The following DLGAP2 variants were observed in gnomAD, a reference collection of about 807,000 sequenced individuals.
The protein encoded by DLGAP2 is disks large-associated protein 2.
DLGAP2 carries 26 observed loss-of-function variants against 100.3 expected under a neutral mutation model. That is an observed-to-expected ratio of 0.26 (90% CI 0.19 to 0.36). The LOEUF (loss-of-function observed/expected upper bound fraction) is 0.36, where lower values mean the gene tolerates loss of function less well. Ranked by LOEUF, DLGAP2 falls within the 10% of genes least tolerant of loss-of-function variation. The pLI, the probability that DLGAP2 is intolerant of heterozygous loss-of-function variation, is 1.00. For synonymous variants in DLGAP2, 886 were observed against 630.1 expected (o/e 1.41, Z -6.08); for missense variants, 1,858 against 1,453.2 (o/e 1.28, Z -4.53).
intron 1 of DLGAP2, among the ~76,000 whole-genome samples, chr8:780,558 C>T (rs536197361): frequency 6.6e-6 from 1 of 152,208 alleles, no homozygotes; most frequent in Non-Finnish European, 1.5e-5. Flanking sequence ...CAGTTTTCCA[C>T]AGCATTTCAC....
chr8:850,557 G>A (rs1295158175), intron 1 of DLGAP2, among the ~76,000 whole-genome samples: 1 of 152,150 alleles, frequency 6.6e-6, no homozygotes, highest in Non-Finnish European at 1.5e-5. Flanking sequence ...CTATGTTTAT[G>A]TATATTTGTG....
chr8:1,419,000 CGAAGG>C (rs1797016000), intron 3 of DLGAP2, among the ~76,000 whole-genome samples: 1 of 152,250 alleles, frequency 6.6e-6, no homozygotes, highest in African/African-American at 2.4e-5. Context: ...CACAGCCGAA[CGAAGG>C]GGCACATGGG....
intron 2 of DLGAP2, among the ~76,000 whole-genome samples, chr8:1,055,137 A>G (rs1300848286): frequency 6.6e-6 from 1 of 152,350 alleles, no homozygotes; most frequent in Admixed American, 6.5e-5. Flanking sequence ...TTTTGTAAAG[A>G]TGGATGCTAT....
chr8:1,626,169 C>T lies in DLGAP2; in HGVS notation c.1443-571C>T, dbSNP rs1417414113. On this transcript the variant is annotated intron_variant, in intron 6 of 14. Transcript: ENST00000637795. Reference sequence around the variant, plus strand: ...CAGCCTCTGGGTGTGGGTTGGACGGCTGTTCCCATCTCTACCCTGTGGCGG... The same window carrying T: ...CAGCCTCTGGGTGTGGGTTGGACGGTTGTTCCCATCTCTACCCTGTGGCGG... 5.5e-3 allele frequency among the ~76,000 whole-genome samples: 536 copies of T among 96,806 alleles called. 8 individuals carry two copies. The highest frequency in any genetic ancestry group is 0.025 in the African/African-American group (480 of 19,042). The allele number at this position is 96,806 out of a possible 152,430, so 63.5% of individuals were successfully genotyped here.
At chr8:769,613 G>C (rs1286813397) in intron 1 of DLGAP2, among the ~76,000 whole-genome samples, 1 of 152,148 alleles carries the variant, frequency 6.6e-6, no homozygotes, top group East Asian at 1.9e-4. Context: ...ATGAGTTACA[G>C]ACATCTGTGG....
chr8:1,088,797 A>AGG (rs1804066006), intron 2 of DLGAP2, among the ~76,000 whole-genome samples: 4 of 9,604 alleles, frequency 4.2e-4, no homozygotes, highest in Middle Eastern at 0.045. Flanking sequence ...CACTCCCCCC[A>AGG]CCCCACTCTC....
chr8:1,576,435 A>G (rs1295562759), intron 6 of DLGAP2, among the ~76,000 whole-genome samples: 2 of 152,102 alleles, frequency 1.3e-5, no homozygotes. Flanking sequence ...TCGCTCTGAT[A>G]GTAGTTTCTT....
At position 1,414,151 on chromosome 8, in the gene DLGAP2, G is replaced by A. The variant is rs1563131837; in HGVS notation, c.107-87215G>A. Among the ~76,000 whole-genome samples, 4 of 152,248 alleles carry A rather than the reference G, an allele frequency of 2.6e-5. No homozygotes were observed. In the East Asian group the frequency reaches 5.8e-4, roughly 22 times the overall value. Reference sequence around the variant, plus strand: ...TTGAGAAAGTGAAGTGTTCAGGGTTGGGGGGAGTTGTCTGTTGAGAGAAAC... The same window carrying A: ...TTGAGAAAGTGAAGTGTTCAGGGTTAGGGGGAGTTGTCTGTTGAGAGAAAC... On this transcript the variant is annotated intron_variant, in intron 3 of 14. Coordinates refer to ENST00000637795, the MANE Select transcript of DLGAP2 (RefSeq NM_001346810.2).
At chr8:931,453 A>C (rs575930888) in intron 2 of DLGAP2, among the ~76,000 whole-genome samples, 50 of 152,150 alleles carry the variant, frequency 3.3e-4, no homozygotes, top group Non-Finnish European at 6.0e-4. Flanking sequence ...TCCTTCTTAA[A>C]TTCCCTGGCT....
intron 1 of DLGAP2, among the ~76,000 whole-genome samples, chr8:862,355 T>C (rs941394007): frequency 6.7e-6 from 1 of 149,608 alleles, no homozygotes; most frequent in Non-Finnish European, 1.5e-5. Context: ...CAGGCTGGAG[T>C]GCAGTGGCAT....
chr8:1,541,340 T>C (rs1338676254), intron 4 of DLGAP2, among the ~76,000 whole-genome samples: 1 of 152,202 alleles, frequency 6.6e-6, no homozygotes, highest in African/African-American at 2.4e-5. Context: ...AAATGGCCGT[T>C]GGAGACACAA....
At chr8:750,822 G>A (rs1050018698) in intron 1 of DLGAP2, among the ~76,000 whole-genome samples, 2 of 152,190 alleles carry the variant, frequency 1.3e-5, no homozygotes, top group African/African-American at 4.8e-5. Context: ...AAGGCCTAAT[G>A]GGATAGCATT....
At chr8:909,675 C>G (rs1253233806) in intron 2 of DLGAP2, among the ~76,000 whole-genome samples, 1 of 152,160 alleles carries the variant, frequency 6.6e-6, no homozygotes, top group African/African-American at 2.4e-5. Flanking sequence ...GTTTCACTGT[C>G]ATGTCAGCTG....
At chr8:1,106,696 G>T (rs551345952) in intron 2 of DLGAP2, among the ~76,000 whole-genome samples, 1 of 139,862 alleles carries the variant, frequency 7.1e-6, no homozygotes, top group South Asian at 2.4e-4. Flanking sequence ...TACTGAAGGA[G>T]GCCATTCTAG....
intron 7 of DLGAP2, among the ~76,000 whole-genome samples, chr8:1,628,368 G>A (rs1311842496): frequency 1.4e-5 from 2 of 144,068 alleles, no homozygotes; most frequent in African/African-American, 5.5e-5. Flanking sequence ...AAGAGCTTGA[G>A]CCAACCTCAC....
intron 4 of DLGAP2, among the ~76,000 whole-genome samples, chr8:1,504,723 C>G (rs1450598935): frequency 6.6e-6 from 1 of 152,196 alleles, no homozygotes; most frequent in Non-Finnish European, 1.5e-5. Flanking sequence ...GCTAGGATTT[C>G]TCACTTTTTA....
At chr8:1,669,858 C>G in intron 10 of DLGAP2, 74 bp downstream of exon 10, 1 of 778,506 alleles carries the variant, frequency 1.3e-6, no homozygotes, top group Non-Finnish European at 2.4e-6. Flanking sequence ...GATGTTCATG[C>G]GACCGCTCTT....
rs537456065 is a variant in DLGAP2 at position 1,191,447 on chromosome 8, G to T, written c.74-67404G>T. Among the ~76,000 whole-genome samples the T allele has an allele frequency of 6.3e-3, 958 of 152,264 alleles. 11 individuals are homozygous for T. Among genetic ancestry groups the T allele is most frequent in the Non-Finnish European group, 6.3e-3 (427 of 68,028 alleles). On this transcript the variant is annotated intron_variant, in intron 2 of 14. Transcript: ENST00000637795. ...AGCCTCCCAAAGTGCGGGGATTATA[G>T]GCGTGAGCCACCGCGCCCAGCCGAT...
At chr8:1,086,284 T>C (rs1803971128) in intron 2 of DLGAP2, among the ~76,000 whole-genome samples, 1 of 152,220 alleles carries the variant, frequency 6.6e-6, no homozygotes, top group Admixed American at 6.5e-5. Flanking sequence ...AGCATAGGAC[T>C]TCTAGTACTA....
Sources: gnomAD v4.1 joint callset for allele counts (sites outside exome capture counted in the v4.1 genomes callset) on GRCh38, gnomAD v4.1.1 for gene constraint, MANE v1.5 for transcripts, NCBI Gene and HGNC (gene_info 2026-07-23, HGNC 2026-07-21) for gene names.